Variants in RAB3GAP1 observed in about 807,000 individuals in gnomAD.
RAB3GAP1 encodes RAB3 GTPase activating protein catalytic subunit 1.
A neutral mutation model predicts 130.7 loss-of-function variants in RAB3GAP1; 86 were observed. The ratio of observed to expected loss-of-function variants is 0.66; its 90% CI spans 0.55 to 0.79. RAB3GAP1 has a LOEUF of 0.79. Among genes scored for constraint, RAB3GAP1 ranks in the 30% least tolerant of loss-of-function variants. The pLI, the probability that RAB3GAP1 is intolerant of heterozygous loss-of-function variation, is 0.00. For synonymous variants in RAB3GAP1, 367 were observed against 401.7 expected, an observed-to-expected ratio of 0.91 and a Z score of 1.03; for missense variants, 1,029 against 1,169.4, an observed-to-expected ratio of 0.88 and a Z score of 1.75.
chr2:135,149,502 C>T (rs1272890765), intron 17 of RAB3GAP1, among the ~76,000 whole-genome samples: 5 of 152,190 alleles, frequency 3.3e-5, no homozygotes, highest in African/African-American at 1.2e-4. Context: ...AGCTCTTAAC[C>T]ATTATACAAT....
intron 3 of RAB3GAP1, among the ~76,000 whole-genome samples, chr2:135,082,440 C>T (rs1458198900): frequency 6.6e-6 from 1 of 151,222 alleles, no homozygotes; most frequent in African/African-American, 2.4e-5. Context: ...ATAATACACA[C>T]ACTTTTTTTT....
At chr2:135,171,900 G>T (rs1692864870), downstream of RAB3GAP1, among the ~76,000 whole-genome samples, 1 of 152,202 alleles carries the variant, frequency 6.6e-6, no homozygotes, top group Non-Finnish European at 1.5e-5. Context: ...GGAGAAGACT[G>T]CAGACAGGGA....
intron 17 of RAB3GAP1, among the ~76,000 whole-genome samples, chr2:135,146,680 CATCTT>C (rs1380738680): frequency 6.6e-6 from 1 of 152,070 alleles, no homozygotes; most frequent in Non-Finnish European, 1.5e-5. Flanking sequence ...TTGTTTTTCT[CATCTT>C]AAAAAACAGT....
chr2:135,133,752 G>A, intron 14 of RAB3GAP1, 109 bp from the exon 15 acceptor site: 1 of 907,358 alleles, frequency 1.1e-6, no homozygotes, highest in Non-Finnish European at 1.8e-6. Flanking sequence ...CCTAGTTTAG[G>A]TGGGATAGGT....
chr2:135,126,445 T>G, intron 10 of RAB3GAP1, 138 bp from the exon 11 acceptor site: 3 of 943,696 alleles, frequency 3.2e-6, no homozygotes, highest in Non-Finnish European at 5.0e-6. Flanking sequence ...GCTCCATGTA[T>G]CTGGATAAGA....
chr2:135,149,688 C>G (rs1692114434), intron 17 of RAB3GAP1, among the ~76,000 whole-genome samples: 1 of 152,176 alleles, frequency 6.6e-6, no homozygotes, highest in African/African-American at 2.4e-5. Context: ...GAGTCTCGCT[C>G]TGTTGCCCAG....
At chr2:135,063,630 C>G (rs1689239323) in intron 3 of RAB3GAP1, among the ~76,000 whole-genome samples, 1 of 152,076 alleles carries the variant, frequency 6.6e-6, no homozygotes, top group African/African-American at 2.4e-5. Flanking sequence ...AAGGTTCATC[C>G]AGGGTTATAG....
intron 9 of RAB3GAP1, among the ~76,000 whole-genome samples, chr2:135,125,273 C>T (rs1370977848): frequency 6.6e-6 from 1 of 152,126 alleles, no homozygotes; most frequent in Non-Finnish European, 1.5e-5. Flanking sequence ...CAAGGTTTGT[C>T]CATGTTGTAG....
At chr2:135,095,421 C>A (rs1458113120) in intron 5 of RAB3GAP1, among the ~76,000 whole-genome samples, 1 of 152,148 alleles carries the variant, frequency 6.6e-6, no homozygotes, top group Non-Finnish European at 1.5e-5. Context: ...ATTTCATAAT[C>A]CAGGGTAGTG....
At chr2:135,093,552 A>G (rs970201576) in intron 4 of RAB3GAP1, 63 bp from the exon 5 acceptor site, 4 of 1,221,880 alleles carry the variant, frequency 3.3e-6, no homozygotes, top group African/African-American at 3.0e-5. Flanking sequence ...TCCTCAAAGC[A>G]TGTTATAAAA....
At chr2:135,107,588 G>A (rs888481795) in intron 5 of RAB3GAP1, among the ~76,000 whole-genome samples, 1 of 152,130 alleles carries the variant, frequency 6.6e-6, no homozygotes, top group African/African-American at 2.4e-5. Context: ...AGGTATTTTT[G>A]TAAGTGATAG....
Position 135,168,609 on chromosome 2 carries a change from AG to A in RAB3GAP1, c.2775del (p.Asn926ThrfsTer95). 6.2e-7 allele frequency: 1 copy of A among 1,614,226 alleles called. No individual in the cohort carries two copies. Among genetic ancestry groups the A allele is most frequent in the Non-Finnish European group, 8.5e-7 (1 of 1,180,050 alleles). On this transcript the variant is annotated frameshift_variant, in exon 24 of 24. Coordinates refer to ENST00000264158, the MANE Select transcript of RAB3GAP1 (RefSeq NM_012233.3). LOFTEE classifies it high-confidence loss of function. ...ATGGGCTCCCCAGAGGAAAGAAGGC[AG>A]AACTCCGTGTCAGACTTCCCACCCC... is the stretch of plus-strand genomic sequence containing the variant. ...KRMGSPEERRQNSVSDFPPPA... is the reference protein window; with the variant it reads ...KRMGSPEERRXNSVSDFPPPA...
intron 3 of RAB3GAP1, among the ~76,000 whole-genome samples, chr2:135,074,480 G>A (rs1689566245): frequency 6.6e-6 from 1 of 152,232 alleles, no homozygotes; most frequent in Non-Finnish European, 1.5e-5. Flanking sequence ...GAAAAGGAAA[G>A]CAAACTTTGA....
At position 135,074,067 on chromosome 2, in the gene RAB3GAP1, G is replaced by A. The variant is rs547502781; in HGVS notation, c.150+15981G>A. On this transcript the variant is annotated intron_variant, in intron 3 of 23. Transcript: ENST00000264158. ...GATGAACACTAGGTGAAAGACCCCAGGTTAGTCTAGGTACGAATTGTGCTG... is the reference window on the plus strand; with the variant it reads ...GATGAACACTAGGTGAAAGACCCCAAGTTAGTCTAGGTACGAATTGTGCTG... 2.0e-4 allele frequency among the ~76,000 whole-genome samples: 30 copies of A among 152,298 alleles called. 1 individual carries two copies. The South Asian group carries it at 5.8e-3, about 29-fold the overall frequency.
At chr2:135,127,504 C>G (rs1346671509) in intron 11 of RAB3GAP1, among the ~76,000 whole-genome samples, 1 of 150,970 alleles carries the variant, frequency 6.6e-6, no homozygotes, top group Non-Finnish European at 1.5e-5. Context: ...CCACCACGCC[C>G]TTTAATTTTT....
At chr2:135,095,252 G>A (rs1352505793) in intron 5 of RAB3GAP1, among the ~76,000 whole-genome samples, 1 of 152,180 alleles carries the variant, frequency 6.6e-6, no homozygotes, top group Non-Finnish European at 1.5e-5. Context: ...GTTTCACTGT[G>A]TTAGCCAGGA....
At chr2:135,058,324 T>A (rs1558756087) in intron 3 of RAB3GAP1, 1 of 290,478 alleles carries the variant, frequency 3.4e-6, no homozygotes, top group Non-Finnish European at 6.3e-6. Flanking sequence ...TATATATATA[T>A]AAAATGTCAT....
chr2:135,073,575 T>C (rs1343200690), intron 3 of RAB3GAP1, among the ~76,000 whole-genome samples: 1 of 152,150 alleles, frequency 6.6e-6, no homozygotes, highest in Non-Finnish European at 1.5e-5. Context: ...TGCCTTCTAG[T>C]GGCCTGGCCT....
At chr2:135,111,700 C>A (rs1056670496) in intron 5 of RAB3GAP1, among the ~76,000 whole-genome samples, 1 of 152,158 alleles carries the variant, frequency 6.6e-6, no homozygotes, top group East Asian at 1.9e-4. Context: ...CCTCTTTTAT[C>A]TTGTAAACTT....
Sources: allele counts gnomAD v4.1 joint callset (sites outside exome capture counted in the v4.1 genomes callset), GRCh38; gene constraint gnomAD v4.1.1; transcripts MANE v1.5; gene names NCBI Gene and HGNC (gene_info 2026-07-23, HGNC 2026-07-21).